The following CATSPER1 variants were observed in gnomAD, a reference collection of about 807,000 sequenced individuals.
CATSPER1 encodes the protein cation channel sperm-associated protein 1.
In CATSPER1, 57 loss-of-function variants were observed where a neutral mutation model predicts 72.7. That is an observed-to-expected ratio of 0.78 (90% CI 0.63 to 0.98). CATSPER1 has a LOEUF of 0.98. CATSPER1 is among the 50% of genes least tolerant of loss of function. The pLI is 0.00. For missense variants in CATSPER1, 910 were observed against 1,033.9 expected, an observed-to-expected ratio of 0.88 and a Z score of 1.64; for synonymous variants, 363 against 403.0, an observed-to-expected ratio of 0.90 and a Z score of 1.19.
rs140339565 is a variant in CATSPER1, at chr11:66,025,270, G to A, written c.1110C>T (p.Ile370=). ...TGGACATCTGGGTGACACGTGAGCGGATTGTGCTGGAGGACCGAGTCATGC... is the reference window on the plus strand; with the variant it reads ...TGGACATCTGGGTGACACGTGAGCGAATTGTGCTGGAGGACCGAGTCATGC... ...AHSMTRSSST[I]RSRVTQMSKK... is the part of the protein sequence containing the mutation. The change falls in exon 1 of 12, where the codon ATC becomes ATT. Residue 370 remains isoleucine, a synonymous_variant. Transcript: ENST00000312106. 2.5e-5 allele frequency: 41 copies of A among 1,614,092 alleles called. No homozygotes were observed. Among genetic ancestry groups the A allele is most frequent in the Non-Finnish European group, 3.5e-5 (41 of 1,180,052 alleles).
chr11:66,021,533 G>A lies in CATSPER1; in HGVS notation c.1654C>T (p.Arg552Trp), dbSNP rs756955557. 9.9e-6 allele frequency: 16 copies of A among 1,613,624 alleles called. No homozygotes were observed. The African/African-American group carries it at 1.1e-4, about 11-fold the overall frequency. ...FRILKVFKSL[R>W]ALRAIRVLRR... is the part of the protein sequence containing the mutation. Reference sequence around the variant, plus strand: ...AGGACCCGGATTGCCCTCAGGGCCCGCAGGCTCTTGAAGACCTTGAGGATC... The same window carrying A: ...AGGACCCGGATTGCCCTCAGGGCCCACAGGCTCTTGAAGACCTTGAGGATC... Residue 552 changes from arginine to tryptophan, a missense_variant, in exon 4 of 12, where the codon CGG becomes TGG. Transcript: ENST00000312106.
Position 66,025,201 on chromosome 11 carries a change from G to A in CATSPER1, c.1179C>T (p.Asp393=), listed in dbSNP as rs370340529. ...GAAATTGCCCTTCTTCTTTGCCCCA[G>A]TCTTCTGAATGTTTGGTGGAGATAT... is the stretch of plus-strand genomic sequence containing the variant. ...TQDISTKHSE[D]WGKEEGQFQK... Residue 393 remains aspartate (D), a synonymous_variant, in exon 1 of 12, where the codon GAC becomes GAT. Coordinates refer to ENST00000312106, the MANE Select transcript of CATSPER1 (RefSeq NM_053054.4). 74 of 1,614,078 alleles carry A rather than the reference G, an allele frequency of 4.6e-5. No individual in the cohort carries two copies. The highest frequency in any genetic ancestry group is 5.4e-5 in the Non-Finnish European group (64 of 1,180,050).
chr11:66,022,151 C>T (rs1443643136), intron 2 of CATSPER1, among the ~76,000 whole-genome samples: 4 of 152,094 alleles, frequency 2.6e-5, no homozygotes, highest in Non-Finnish European at 5.9e-5. Flanking sequence ...ACCAGCCTGG[C>T]CAACATGGTG....
At chr11:66,024,972 G>C (rs1180888953) in intron 1 of CATSPER1, among the ~76,000 whole-genome samples, 192 bp downstream of exon 1, 1 of 152,178 alleles carries the variant, frequency 6.6e-6, no homozygotes, top group African/African-American at 2.4e-5. Context: ...ACACCTCATG[G>C]CCTAAAGAGG....
intron 9 of CATSPER1, 49 bp from the exon 10 acceptor site, chr11:66,018,951 A>AG: frequency 6.8e-7 from 1 of 1,479,902 alleles, no homozygotes; most frequent in Non-Finnish European, 9.5e-7. Context: ...TTTGGAGAGG[A>AG]GGCAGAGGAA....
At position 66,017,193 on chromosome 11, in the gene CATSPER1, G is replaced by GGGGGGGGGGGGCGCC; in HGVS notation, c.2202-20_2202-19insGGCGCCCCCCCCCCC. On this transcript the variant is annotated intron_variant, in intron 10 of 11. Coordinates refer to ENST00000312106, the MANE Select transcript of CATSPER1 (RefSeq NM_053054.4). ...CTGCTGCCTGCGGGTGGGCGGGGGG[G>GGGGGGGGGGGGCGCC]TCGCAGAGACAGGGGCTGGGCTGAC... The GGGGGGGGGGGGCGCC allele has an allele frequency of 4.1e-6, 2 of 493,808 alleles. No individual in the cohort carries two copies. The highest frequency in any genetic ancestry group is 7.9e-6 in the Non-Finnish European group (2 of 252,616). 30.6% of individuals were successfully genotyped at this position (493,808 alleles called of 1,614,324 possible).
chr11:66,024,859 C>T lies in CATSPER1; in HGVS notation c.1216+305G>A, dbSNP rs867150805. 1.1e-3 allele frequency among the ~76,000 whole-genome samples: 164 copies of T among 152,304 alleles called. 1 individual carries two copies. Among genetic ancestry groups the T allele is most frequent in the South Asian group, 2.5e-3 (12 of 4,832 alleles). On this transcript the variant is annotated intron_variant, in intron 1 of 11. Coordinates refer to ENST00000312106, the MANE Select transcript of CATSPER1 (RefSeq NM_053054.4). ...GGGCAGCGACTGTGTTGAATTTTTCCCCATGCTGCCATGGCCCAGGCAGGC... is the reference window on the plus strand; with the variant it reads ...GGGCAGCGACTGTGTTGAATTTTTCTCCATGCTGCCATGGCCCAGGCAGGC...
chr11:66,018,696 C>T lies in CATSPER1; in HGVS notation c.2201+131G>A. ...AGGGTCTCCTCGTTGCACCCACAGGCTCATCCACAAGCCTCAGCGCTCCAT... is the reference window on the plus strand; with the variant it reads ...AGGGTCTCCTCGTTGCACCCACAGGTTCATCCACAAGCCTCAGCGCTCCAT... On this transcript the variant is annotated intron_variant, in intron 10 of 11. Transcript: ENST00000312106. The T allele has an allele frequency of 3.0e-6, 3 of 985,260 alleles. No homozygotes were observed. In the South Asian group the frequency reaches 4.0e-5, roughly 13 times the overall value. The allele number at this position is 985,260 out of a possible 1,614,324, so 61.0% of individuals were successfully genotyped here. A position where few individuals can be genotyped will look rare whatever the true frequency, so the allele number is the denominator to read the frequency against.
chr11:66,019,134 C>T (rs1856301722), intron 9 of CATSPER1, among the ~76,000 whole-genome samples: 1 of 152,156 alleles, frequency 6.6e-6, no homozygotes. Context: ...CTTCTACCCC[C>T]TTTCAGTCCA....
chr11:66,022,866 T>G lies in CATSPER1; in HGVS notation c.1412A>C (p.Glu471Ala), dbSNP rs150740566. 258 of 1,614,080 alleles carry G rather than the reference T, an allele frequency of 1.6e-4. No individual in the cohort carries two copies. Among genetic ancestry groups the G allele is most frequent in the Non-Finnish European group, 2.1e-4 (251 of 1,180,036 alleles). The change falls in exon 2 of 12, where the codon GAA (glutamate) becomes GCA (alanine). Residue 471 changes from glutamate to alanine, a missense_variant. Glu to Ala is a moderately radical substitution (Grantham distance 107). Coordinates refer to ENST00000312106, the MANE Select transcript of CATSPER1 (RefSeq NM_053054.4). ...GCTCTTACCGCCCCGGATCTCGACT[T>G]CAGCGAAGGTCTGGGCCACCAGCAT... ...TVMLVAQTFA[E>A]VEIRGEWYFM...
chr11:66,021,592 T>C lies in CATSPER1; in HGVS notation c.1595A>G (p.His532Arg). ...AVLDFLLMQT[H>R]SFAIYHQSLF... ...GCTTTGGTGGTAGATGGCGAAGGAG[T>C]GGGTCTGCATCAGCAAGAAGTCCAG... is the stretch of plus-strand genomic sequence containing the variant. The change falls in exon 4 of 12, where the codon CAC becomes CGC. Residue 532 changes from histidine to arginine, a missense_variant. Coordinates refer to ENST00000312106, the MANE Select transcript of CATSPER1 (RefSeq NM_053054.4). 1 of 1,611,282 alleles carries C rather than the reference T, an allele frequency of 6.2e-7. No homozygotes were observed. Among genetic ancestry groups the C allele is most frequent in the Non-Finnish European group, 8.5e-7 (1 of 1,178,946 alleles).
At position 66,025,647 on chromosome 11, in the gene CATSPER1, C is replaced by T; in HGVS notation, c.733G>A (p.Glu245Lys). Reference protein sequence around the residue: ...HQHGKSPHHGETISPHSSVGS... With the variant: ...HQHGKSPHHGKTISPHSSVGS... ...ACAGAGGAATGAGGGGAAATGGTCT[C>T]TCCGTGATGAGGAGACTTTCCATGC... is the stretch of plus-strand genomic sequence containing the variant. Residue 245 changes from glutamate (E) to lysine (K), a missense_variant, in exon 1 of 12, where the codon GAG becomes AAG. Glu to Lys is a moderately conservative substitution (Grantham distance 56). Coordinates refer to ENST00000312106, the MANE Select transcript of CATSPER1 (RefSeq NM_053054.4). The T allele has an allele frequency of 6.2e-7, 1 of 1,613,656 alleles. No homozygotes were observed.
chr11:66,024,578 C>T (rs1301549890), intron 1 of CATSPER1, among the ~76,000 whole-genome samples: 2 of 152,134 alleles, frequency 1.3e-5, no homozygotes, highest in Non-Finnish European at 2.9e-5. Flanking sequence ...CCGCGCCTGG[C>T]CTGTTGTCAT....
intron 4 of CATSPER1, 135 bp from the exon 5 acceptor site, chr11:66,021,320 C>T: frequency 8.3e-7 from 1 of 1,210,498 alleles, no homozygotes; most frequent in Non-Finnish European, 1.2e-6. Flanking sequence ...TGGCCCCTCT[C>T]TGGAAAAATG....
chr11:66,022,536 C>T (rs1856396475), intron 2 of CATSPER1, among the ~76,000 whole-genome samples: 1 of 152,178 alleles, frequency 6.6e-6, no homozygotes, highest in Non-Finnish European at 1.5e-5. Flanking sequence ...CCTTCTCGGG[C>T]TCCCGGCCCT....
At chr11:66,017,447 C>G (rs960381720) in intron 10 of CATSPER1, among the ~76,000 whole-genome samples, 3 of 151,684 alleles carry the variant, frequency 2.0e-5, no homozygotes, top group African/African-American at 7.3e-5. Context: ...TCCCCATACG[C>G]CCACTCGACC....
chr11:66,016,973 T>C (rs1856250743), intron 11 of CATSPER1, 57 bp from the exon 12 acceptor site: 3 of 1,613,388 alleles, frequency 1.9e-6, no homozygotes, highest in East Asian at 4.5e-5. Context: ...CCTTCCCCGA[T>C]CCCCATGGGA....
chr11:66,020,329 T>C lies in CATSPER1; in HGVS notation c.2052A>G (p.Lys684=). 4 of 1,614,166 alleles carry C rather than the reference T, an allele frequency of 2.5e-6. No individual in the cohort carries two copies. Among genetic ancestry groups the C allele is most frequent in the Non-Finnish European group, 3.4e-6 (4 of 1,180,028 alleles). ...FQTALFKGLE[K]AKQERAARIQ... The stretch of plus-strand genomic sequence containing the variant: ...CCCCACTCGGTACCTCCTGCTTCGC[T>C]TTCTCAAGGCCTTTGAACAGCGCCG... Residue 684 remains lysine, a synonymous_variant, in exon 8 of 12, where the codon AAA becomes AAG. Coordinates refer to ENST00000312106, the MANE Select transcript of CATSPER1 (RefSeq NM_053054.4). The surrounding 1 kb of genome is among the most constrained non-coding windows in gnomAD (Gnocchi z 4.5).
rs1856338602 is a variant in CATSPER1 at position 66,020,505 on chromosome 11, C to T, written c.1991+59G>A. Reference sequence around the variant, plus strand: ...GGGTGAGAGGGCTGGGGTAAGGGTCCCAGGGGAGAGGAGGAAGTGTGGGTG... The same window carrying T: ...GGGTGAGAGGGCTGGGGTAAGGGTCTCAGGGGAGAGGAGGAAGTGTGGGTG... On this transcript the variant is annotated intron_variant, in intron 7 of 11. Transcript: ENST00000312106. The surrounding 1 kb of genome is among the most constrained non-coding windows in gnomAD (Gnocchi z 4.5). The T allele has an allele frequency of 3.8e-6, 6 of 1,599,158 alleles. No homozygotes were observed. The highest frequency in any genetic ancestry group is 4.5e-5 in the East Asian group (2 of 44,802).
Sources: gnomAD v4.1 joint callset for allele counts (sites outside exome capture counted in the v4.1 genomes callset) on GRCh38, gnomAD v4.1.1 for gene constraint, Gnocchi (gnomAD v3.1) non-coding constraint, MANE v1.5 for transcripts, NCBI Gene and HGNC (gene_info 2026-07-23, HGNC 2026-07-21) for gene names.